GBE1: variants seen among roughly 807,000 people sequenced by gnomAD.
The protein encoded by GBE1 is 1,4-alpha-glucan branching enzyme 1.
In GBE1, 70 loss-of-function variants were observed where a neutral mutation model predicts 88.8. That is an observed-to-expected ratio of 0.79 (90% CI 0.65 to 0.96). The LOEUF (loss-of-function observed/expected upper bound fraction) is 0.96, where lower values mean the gene tolerates loss of function less well. Among genes scored for constraint, GBE1 ranks in the 40% least tolerant of loss-of-function variants. The pLI, the probability that GBE1 is intolerant of heterozygous loss-of-function variation, is 0.00. For missense variants in GBE1, 872 were observed against 871.0 expected (o/e 1.00, Z -0.01); for synonymous variants, 284 against 300.1 (o/e 0.95, Z 0.56).
intron 12 of GBE1, among the ~76,000 whole-genome samples, chr3:81,566,743 C>A (rs185077399): frequency 3.6e-4 from 54 of 152,112 alleles, no homozygotes; most frequent in African/African-American, 1.2e-3. Context: ...TTCACAAAAC[C>A]CCACTTACAA....
intron 1 of GBE1, among the ~76,000 whole-genome samples, chr3:81,745,740 T>C (rs1391523684): frequency 6.6e-6 from 1 of 152,162 alleles, no homozygotes; most frequent in Non-Finnish European, 1.5e-5. Context: ...TTGAATACAT[T>C]AGGTTGAATA....
At chr3:81,498,978 T>G (rs1039404894) in intron 15 of GBE1, 132 bp downstream of exon 15, 3 of 621,184 alleles carry the variant, frequency 4.8e-6, no homozygotes, top group African/African-American at 3.7e-5. Context: ...CGTAGTCCCC[T>G]CTCCCTAACC....
rs190470131 is a variant in GBE1, at chr3:81,740,537, G to A, written c.143+20838C>T. On this transcript the variant is annotated intron_variant, in intron 1 of 15. Transcript: ENST00000429644. ...ATTTTTCTCATAAACGCAGTACGGA[G>A]AAGAGAACTAAACCTGAGGGAAATG... 4.0e-3 allele frequency among the ~76,000 whole-genome samples: 611 copies of A among 152,168 alleles called. 2 individuals are homozygous for A. The highest frequency in any genetic ancestry group is 6.9e-3 in the Non-Finnish European group (471 of 68,000).
At chr3:81,757,160 A>T (rs538783914) in intron 1 of GBE1, among the ~76,000 whole-genome samples, 1 of 152,258 alleles carries the variant, frequency 6.6e-6, no homozygotes, top group Admixed American at 6.5e-5. Context: ...TTTCTAATTT[A>T]TTTTACTGGT....
intron 7 of GBE1, among the ~76,000 whole-genome samples, chr3:81,626,575 G>A (rs575743468): frequency 6.6e-6 from 1 of 151,930 alleles, no homozygotes; most frequent in Non-Finnish European, 1.5e-5. Context: ...ACAGGAGATG[G>A]ATACCAGGGA....
chr3:81,731,393 G>T (rs180912316), intron 1 of GBE1, among the ~76,000 whole-genome samples: 13 of 152,216 alleles, frequency 8.5e-5, no homozygotes, highest in Admixed American at 2.0e-4. Context: ...AGGCCTACAG[G>T]TATTAGCAAC....
At chr3:81,612,592 G>A (rs755587341) in intron 7 of GBE1, 33 of 644,036 alleles carry the variant, frequency 5.1e-5, no homozygotes, top group Non-Finnish European at 7.5e-5. Context: ...GGATGTTGGC[G>A]ATCAGTTCTG....
chr3:81,742,719 C>T (rs576631048), intron 1 of GBE1, among the ~76,000 whole-genome samples: 12 of 152,178 alleles, frequency 7.9e-5, no homozygotes, highest in South Asian at 2.1e-4. Flanking sequence ...AAATAGAAAG[C>T]ATGTTAAACA....
intron 3 of GBE1, among the ~76,000 whole-genome samples, chr3:81,664,439 CAA>C (rs5850531): frequency 9.4e-4 from 84 of 89,516 alleles, no homozygotes; most frequent in African/African-American, 1.8e-3. Context: ...TTGAATGTGT[CAA>C]AAAAAAAAAA....
chr3:81,631,212 A>C (rs1014164368), intron 7 of GBE1, among the ~76,000 whole-genome samples: 1 of 152,158 alleles, frequency 6.6e-6, no homozygotes, highest in African/African-American at 2.4e-5. Flanking sequence ...TTTAAAAAGA[A>C]AAAAAGAAAG....
At chr3:81,691,816 T>A (rs921806244) in intron 2 of GBE1, among the ~76,000 whole-genome samples, 3 of 152,026 alleles carry the variant, frequency 2.0e-5, no homozygotes, top group Admixed American at 6.6e-5. Context: ...ATAATACAGT[T>A]GAATCAAGCA....
chr3:81,549,084 G>A (rs1387095974), intron 12 of GBE1, among the ~76,000 whole-genome samples: 1 of 142,718 alleles, frequency 7.0e-6, no homozygotes, highest in African/African-American at 2.6e-5. Flanking sequence ...AGGCTAGAGT[G>A]CAGTGGTGTG....
chr3:81,642,533 T>A (rs982608488), intron 7 of GBE1: 1 of 318,456 alleles, frequency 3.1e-6, no homozygotes, highest in Non-Finnish European at 5.7e-6. Flanking sequence ...ACAGTAAAAT[T>A]TTTAAATGAT....
chr3:81,508,701 TAA>T (rs1702686701), intron 14 of GBE1, among the ~76,000 whole-genome samples: 1 of 151,934 alleles, frequency 6.6e-6, no homozygotes, highest in Non-Finnish European at 1.5e-5. Context: ...CTCTGAAAAA[TAA>T]AGACAATCAT....
At chr3:81,612,838 T>A in intron 7 of GBE1, 1 of 430,530 alleles carries the variant, frequency 2.3e-6, no homozygotes, top group Non-Finnish European at 4.5e-6. Context: ...GATGCAGGTG[T>A]GGATGAGTTA....
At chr3:81,565,876 T>C (rs1703488313) in intron 12 of GBE1, among the ~76,000 whole-genome samples, 1 of 152,234 alleles carries the variant, frequency 6.6e-6, no homozygotes, top group Admixed American at 6.5e-5. Context: ...CATATAAATC[T>C]ATTTACATAC....
intron 1 of GBE1, among the ~76,000 whole-genome samples, chr3:81,750,562 T>TACGTATATATATAC (rs1491108907): frequency 1.2e-5 from 1 of 80,924 alleles, no homozygotes; most frequent in Non-Finnish European, 2.2e-5. Flanking sequence ...TATATATATA[T>TACGTATATATATAC]GTATATATAT....
intron 2 of GBE1, among the ~76,000 whole-genome samples, chr3:81,693,222 T>A (rs1705545609): frequency 6.6e-6 from 1 of 151,846 alleles, no homozygotes. Context: ...AATAAACACA[T>A]AAAATATTAC....
chr3:81,747,914 C>T (rs952575552), intron 1 of GBE1, among the ~76,000 whole-genome samples: 1 of 152,196 alleles, frequency 6.6e-6, no homozygotes, highest in African/African-American at 2.4e-5. Flanking sequence ...CCGCCTGCAC[C>T]CAGGTGAAAT....
Sources: gnomAD v4.1 joint callset for allele counts (sites outside exome capture counted in the v4.1 genomes callset) on GRCh38, gnomAD v4.1.1 for gene constraint, MANE v1.5 for transcripts, NCBI Gene and HGNC (gene_info 2026-07-23, HGNC 2026-07-21) for gene names.